The following ITGA6 variants were observed in gnomAD, a reference collection of about 807,000 sequenced individuals.
The protein encoded by ITGA6 is integrin subunit alpha 6.
A neutral mutation model predicts 133.6 loss-of-function variants in ITGA6; 63 were observed. The ratio of observed to expected loss-of-function variants is 0.47; its 90% confidence interval spans 0.38 to 0.58. ITGA6 has a LOEUF of 0.58. ITGA6 is among the 20% of genes least tolerant of loss of function. The pLI is 0.00. For missense variants in ITGA6, 1,068 were observed against 1,309.4 expected (o/e 0.82, Z 2.85); for synonymous variants, 434 against 482.0 (o/e 0.90, Z 1.30).
At chr2:172,440,307 A>G (rs1480393268) in intron 1 of ITGA6, among the ~76,000 whole-genome samples, 1 of 152,206 alleles carries the variant, frequency 6.6e-6, no homozygotes, top group Non-Finnish European at 1.5e-5. Context: ...GATTCCCCAA[A>G]TACACTAAAG....
intron 9 of ITGA6, 62 bp from the exon 10 acceptor site, chr2:172,479,579 G>A: frequency 7.4e-7 from 1 of 1,354,102 alleles, no homozygotes; most frequent in Non-Finnish European, 1.1e-6. Context: ...TCTAGTATGT[G>A]AATTAGACTC....
At chr2:172,494,818 T>C (rs1161146629) in intron 23 of ITGA6, among the ~76,000 whole-genome samples, 1 of 152,190 alleles carries the variant, frequency 6.6e-6, no homozygotes, top group Non-Finnish European at 1.5e-5. Flanking sequence ...GTATTTATAT[T>C]GTCCCCATTT....
chr2:172,458,384 T>A (rs2737081), intron 1 of ITGA6, among the ~76,000 whole-genome samples: 2 of 151,972 alleles, frequency 1.3e-5, no homozygotes, highest in Non-Finnish European at 2.9e-5. Context: ...GGATTACAGG[T>A]GTGAGCCACC....
intron 1 of ITGA6, among the ~76,000 whole-genome samples, chr2:172,456,854 T>G (rs904070364): frequency 3.3e-4 from 51 of 152,248 alleles, no homozygotes; most frequent in African/African-American, 1.2e-3. Context: ...TGTTCTCTTA[T>G]GAGAGCTGCC....
chr2:172,427,457 G>A (rs1559106548), upstream of ITGA6: 4 of 1,052,300 alleles, frequency 3.8e-6, no homozygotes, highest in Non-Finnish European at 4.6e-6. Flanking sequence ...AGCTGGAGAC[G>A]CCAGAGCCGG....
intron 9 of ITGA6, 83 bp from the exon 10 acceptor site, chr2:172,479,558 T>TAAGGATGCTCTCTAGTATGTGAATTAG: frequency 8.9e-7 from 1 of 1,123,912 alleles, no homozygotes; most frequent in Non-Finnish European, 1.4e-6. Context: ...GCTGGGCAGC[T>TAAGGATGCTCTCTAGTATGTGAATTAG]AAGGATGCTC....
intron 24 of ITGA6, among the ~76,000 whole-genome samples, chr2:172,500,325 G>A (rs1165589785): frequency 4.6e-5 from 7 of 152,200 alleles, no homozygotes; most frequent in Non-Finnish European, 8.8e-5. Flanking sequence ...TATTAAGAAT[G>A]TTGCTGGCTG....
At chr2:172,469,769 A>G (rs1009199454) in intron 4 of ITGA6, among the ~76,000 whole-genome samples, 1 of 152,254 alleles carries the variant, frequency 6.6e-6, no homozygotes, top group African/African-American at 2.4e-5. Flanking sequence ...GTGTATTAAC[A>G]TGGACATTAA....
At chr2:172,481,611 T>C (rs993932873) in intron 11 of ITGA6, among the ~76,000 whole-genome samples, 1 of 152,210 alleles carries the variant, frequency 6.6e-6, no homozygotes, top group Admixed American at 6.5e-5. Context: ...GATTTCGAGC[T>C]GTCTGCAGGT....
chr2:172,484,878 C>A lies in ITGA6; in HGVS notation c.1646C>A (p.Thr549Asn). ...AACCAAGGTTCTGAGCCCAAATATA[C>A]TCAAGAACTAACTCTGAAGAGGCAG... ...FRNQGSEPKY[T>N]QELTLKRQKQ... Residue 549 changes from threonine (T) to asparagine (N), a missense_variant, in exon 12 of 26, where the codon ACT becomes AAT. By Grantham distance (65) the Thr-to-Asn change is moderately conservative (BLOSUM62 0). This residue lies in a region of ITGA6 where 609 missense variants were observed against 707.2 expected (regional missense o/e 0.86). Coordinates refer to ENST00000684293, the MANE Select transcript of ITGA6 (RefSeq NM_000210.4). 5 of 1,614,132 alleles carry A rather than the reference C, an allele frequency of 3.1e-6. No homozygotes were observed. Among genetic ancestry groups the A allele is most frequent in the Non-Finnish European group, 4.2e-6 (5 of 1,179,972 alleles).
At chr2:172,479,573 G>A (rs1268726172) in intron 9 of ITGA6, 68 bp from the exon 10 acceptor site, 1 of 1,266,800 alleles carries the variant, frequency 7.9e-7, no homozygotes, top group African/African-American at 1.5e-5. Flanking sequence ...ATGCTCTCTA[G>A]TATGTGAATT....
chr2:172,451,317 T>G (rs1684989804), intron 1 of ITGA6, among the ~76,000 whole-genome samples: 1 of 151,372 alleles, frequency 6.6e-6, no homozygotes, highest in East Asian at 1.9e-4. Context: ...ATACAAAAAT[T>G]AGCCTGGTGT....
intron 20 of ITGA6, 113 bp from the exon 21 acceptor site, chr2:172,490,910 AT>A (rs1458567894): frequency 2.7e-6 from 2 of 737,888 alleles, no homozygotes; most frequent in Non-Finnish European, 5.0e-6. Flanking sequence ...AGAGAGGCAA[AT>A]ATTGTTGATT....
In ITGA6 at chr2:172,487,042, G is replaced by A. The variant is rs1481218056; in HGVS notation, c.1874G>A (p.Gly625Glu). The A allele has an allele frequency of 6.2e-7, 1 of 1,607,404 alleles. No individual in the cohort carries two copies. Among genetic ancestry groups the A allele is most frequent in the African/African-American group, 1.3e-5 (1 of 74,758 alleles). ...CTACAGGTTCACTTCTTAAAAGAGG[G>A]ATGTGGAGACGACAATGTATGTAAC... is the stretch of plus-strand genomic sequence containing the variant. ...AHIDVHFLKE[G>E]CGDDNVCNSN... Residue 625 changes from glycine (G) to glutamate (E), a missense_variant, in exon 14 of 26, where the codon GGA becomes GAA. By Grantham distance (98) the Gly-to-Glu change is moderately conservative. Around this residue, in one of 3 missense-constraint regions of ITGA6, gnomAD observed 609 missense variants for 707.2 expected, o/e 0.86. Transcript: ENST00000684293.
chr2:172,433,931 TGGA>T (rs1300316411), intron 1 of ITGA6, among the ~76,000 whole-genome samples: 1 of 152,042 alleles, frequency 6.6e-6, no homozygotes, highest in Non-Finnish European at 1.5e-5. Flanking sequence ...TGGATACCCA[TGGA>T]GGGTGGGTGG....
At chr2:172,467,859 C>T (rs922069455) in intron 3 of ITGA6, among the ~76,000 whole-genome samples, 2 of 151,996 alleles carry the variant, frequency 1.3e-5, no homozygotes, top group Non-Finnish European at 2.9e-5. Flanking sequence ...TAGTGGCATG[C>T]GCCTGTAATC....
intron 1 of ITGA6, among the ~76,000 whole-genome samples, chr2:172,428,848 A>G (rs922799389): frequency 2.6e-5 from 4 of 152,214 alleles, no homozygotes; most frequent in Non-Finnish European, 5.9e-5. Flanking sequence ...TTTCTTAAAC[A>G]GTGTTTGGTT....
intron 1 of ITGA6, among the ~76,000 whole-genome samples, chr2:172,429,309 G>T (rs1684014021): frequency 6.6e-6 from 1 of 152,046 alleles, no homozygotes; most frequent in Non-Finnish European, 1.5e-5. Flanking sequence ...AGAAATAATT[G>T]TTGTTAAGCT....
At chr2:172,465,494 G>C in intron 1 of ITGA6, 45 bp from the exon 2 acceptor site, 1 of 1,610,692 alleles carries the variant, frequency 6.2e-7, no homozygotes, top group South Asian at 1.1e-5. Context: ...ACTGTTAAAC[G>C]TATATTAAAT....
Sources: gnomAD v4.1 joint callset for allele counts (sites outside exome capture counted in the v4.1 genomes callset) on GRCh38, gnomAD v4.1.1 for gene constraint, gnomAD v4.1.1 regional missense constraint, MANE v1.5 for transcripts, NCBI Gene and HGNC (gene_info 2026-07-23, HGNC 2026-07-21) for gene names.